GNAS: variants seen among roughly 807,000 people sequenced by gnomAD.
GNAS encodes protein ALEX.
GNAS carries 8 observed loss-of-function variants against 54.5 expected under a neutral mutation model. The observed-to-expected ratio is 0.15, with a 90% CI of 0.09 to 0.26. The LOEUF is 0.26. GNAS is among the 10% of genes least tolerant of loss of function. The pLI is 1.00. For synonymous variants in GNAS, 204 were observed against 191.4 expected, an observed-to-expected ratio of 1.07 and a Z score of -0.54; for missense variants, 170 against 529.8, an observed-to-expected ratio of 0.32 and a Z score of 6.67.
At chr20:58,901,526 G>T (rs1374972860) in intron 3 of GNAS, among the ~76,000 whole-genome samples, 1 of 152,044 alleles carries the variant, frequency 6.6e-6, no homozygotes, top group Non-Finnish European at 1.5e-5. Flanking sequence ...TACTTAAATG[G>T]CCCTGAGGGG....
upstream of GNAS, chr20:58,889,269 G>C (rs926697035): frequency 3.1e-4 from 321 of 1,041,626 alleles, no homozygotes; most frequent in Admixed American, 9.1e-4. Context: ...CGGCGCGGCG[G>C]CTGGAGCGAG....
chr20:58,841,751 C>G lies in GNAS; in HGVS notation c.43+865C>G. 1 of 1,228,838 alleles carries G rather than the reference C, an allele frequency of 8.1e-7. No individual in the cohort carries two copies. The highest frequency in any genetic ancestry group is 1.0e-6 in the Non-Finnish European group (1 of 986,584). The allele number at this position is 1,228,838 out of a possible 1,614,324, so 76.1% of individuals were successfully genotyped here. On this transcript the variant is annotated intron_variant, in intron 1 of 12. Transcript: ENST00000306090. This position sits in a 1 kb window ranked among gnomAD's most constrained non-coding sequence, Gnocchi z 5.0. ...GTTGAACGCACAGGCATGGTCACGT[C>G]GGGGTATTGCCAAGCTTTTGGCGCA...
chr20:58,867,062 G>A (rs2087112223), intron 1 of GNAS, among the ~76,000 whole-genome samples: 1 of 152,174 alleles, frequency 6.6e-6, no homozygotes, highest in Non-Finnish European at 1.5e-5. Context: ...GCTAAGCAAA[G>A]TGTCCCCTAA....
chr20:58,891,948 C>G, intron 1 of GNAS, 83 bp downstream of exon 1: 1 of 857,902 alleles, frequency 1.2e-6, no homozygotes, highest in Non-Finnish European at 1.4e-6. Context: ...AGCCCGCCCC[C>G]CGCCCCGGGC....
At chr20:58,855,548 C>T in intron 1 of GNAS, 1 of 719,212 alleles carries the variant, frequency 1.4e-6, no homozygotes, top group Non-Finnish European at 2.6e-6. Context: ...AGTATATGCC[C>T]TCCAGGGAGA....
intron 1 of GNAS, among the ~76,000 whole-genome samples, chr20:58,859,179 T>C (rs143309127): frequency 2.7e-4 from 41 of 152,318 alleles, no homozygotes; most frequent in African/African-American, 9.4e-4. Context: ...CCAGTAATAA[T>C]AATAACACAT....
chr20:58,840,802 G>A, upstream of GNAS: 2 of 1,612,516 alleles, frequency 1.2e-6, no homozygotes, highest in East Asian at 2.2e-5. The surrounding 1 kb of genome is among the most constrained non-coding windows in gnomAD (Gnocchi z 6.0). Context: ...CGTCCCCGGA[G>A]TCCCCTTCCA....
intron 1 of GNAS, among the ~76,000 whole-genome samples, chr20:58,875,662 G>T (rs780487429): frequency 6.6e-6 from 1 of 152,234 alleles, no homozygotes; most frequent in Non-Finnish European, 1.5e-5. Flanking sequence ...AGTGCTTAGT[G>T]TTATTCTGCC....
chr20:58,865,982 G>A (rs2087043824), intron 1 of GNAS, among the ~76,000 whole-genome samples: 1 of 152,088 alleles, frequency 6.6e-6, no homozygotes, highest in African/African-American at 2.4e-5. Flanking sequence ...CTCTCTGACT[G>A]GTGCACACTC....
chr20:58,896,942 A>G (rs972199435), intron 2 of GNAS, among the ~76,000 whole-genome samples: 1 of 152,232 alleles, frequency 6.6e-6, no homozygotes, highest in Non-Finnish European at 1.5e-5. Context: ...CCAGGAAACA[A>G]AGGTGAACTT....
chr20:58,890,294 C>A (rs1040295928), upstream of GNAS, among the ~76,000 whole-genome samples: 1 of 147,722 alleles, frequency 6.8e-6, no homozygotes, highest in African/African-American at 2.5e-5. Flanking sequence ...ACGAGGGCGC[C>A]GAGGAGGGCG....
chr20:58,889,290 G>A, upstream of GNAS: 1 of 993,202 alleles, frequency 1.0e-6, no homozygotes, highest in Non-Finnish European at 1.2e-6. Context: ...CCCCTGTCCC[G>A]GCGCGGGGCG....
chr20:58,905,442 A>G lies in GNAS; in HGVS notation c.492A>G (p.Glu164=), dbSNP rs1601131290. 1 of 1,608,738 alleles carries G rather than the reference A, an allele frequency of 6.2e-7. No individual in the cohort carries two copies. The highest frequency in any genetic ancestry group is 8.5e-7 in the Non-Finnish European group (1 of 1,175,008). The part of the protein sequence containing the change: ...WEDEGVRACY[E]RSNEYQLIDC... The stretch of plus-strand genomic sequence containing the variant: ...ATGAAGGAGTGCGTGCCTGCTACGA[A>G]CGCTCCAACGAGTACCAGCTGATTG... The change falls in exon 6 of 13, where the codon GAA becomes GAG. Residue 164 remains glutamate, a synonymous_variant. Coordinates refer to ENST00000371085, the MANE Select transcript of GNAS (RefSeq NM_000516.7).
In GNAS at chr20:58,872,752, G is replaced by A. The variant is rs2087552549; in HGVS notation, c.44-22860G>A. Among the ~76,000 whole-genome samples, 5 of 151,836 alleles carry A rather than the reference G, an allele frequency of 3.3e-5. No individual in the cohort carries two copies. The South Asian group carries it at 8.3e-4, about 25-fold the overall frequency. ...TTGCTCTGTGCTGGGGTGAGGGTGGGGGGCAGAGAGAGAACATCACAGCCA... is the reference window on the plus strand; with the variant it reads ...TTGCTCTGTGCTGGGGTGAGGGTGGAGGGCAGAGAGAGAACATCACAGCCA... On this transcript the variant is annotated intron_variant, in intron 1 of 12. Transcript: ENST00000306090.
chr20:58,840,193 C>T (rs1208595553), upstream of GNAS: 2 of 1,611,354 alleles, frequency 1.2e-6, no homozygotes, highest in Non-Finnish European at 1.7e-6. This position sits in a 1 kb window ranked among gnomAD's most constrained non-coding sequence, Gnocchi z 6.0. Context: ...GCCGGGCAGC[C>T]ACCGCGCTCC....
intron 1 of GNAS, among the ~76,000 whole-genome samples, chr20:58,844,343 G>A (rs2085859246): frequency 6.6e-6 from 1 of 152,160 alleles, no homozygotes; most frequent in Non-Finnish European, 1.5e-5. Flanking sequence ...CCCAGCAGAG[G>A]GATGAGATGC....
chr20:58,854,553 G>T, intron 1 of GNAS: 2 of 1,570,608 alleles, frequency 1.3e-6, no homozygotes, highest in Non-Finnish European at 1.7e-6. Flanking sequence ...AGCCGATCCC[G>T]ACTCCGGGGC....
intron 1 of GNAS, among the ~76,000 whole-genome samples, chr20:58,878,912 T>TGGGGGGGGGGGG (rs11086659): frequency 5.5e-4 from 52 of 95,326 alleles, no homozygotes; most frequent in Non-Finnish European, 5.9e-4. Context: ...GGGGTGCGGG[T>TGGGGGGGGGGGG]GGGGGGGGGA....
chr20:58,890,252 GGCCGCC>G (rs569980417), upstream of GNAS, among the ~76,000 whole-genome samples: 26 of 150,982 alleles, frequency 1.7e-4, no homozygotes, highest in Admixed American at 4.6e-4. Context: ...GATGCCCCGA[GGCCGCC>G]GCCGCCGCGG....
Sources: allele counts gnomAD v4.1 joint callset (sites outside exome capture counted in the v4.1 genomes callset), GRCh38; gene constraint gnomAD v4.1.1; non-coding constraint Gnocchi (gnomAD v3.1); transcripts MANE v1.5; gene names NCBI Gene and HGNC (gene_info 2026-07-23, HGNC 2026-07-21).